The following NHEJ1 variants were observed in gnomAD, a reference collection of about 807,000 sequenced individuals.
The protein encoded by NHEJ1 is non-homologous end-joining factor 1.
NHEJ1 carries 22 observed loss-of-function variants against 39.4 expected under a neutral mutation model. The ratio of observed to expected loss-of-function variants is 0.56; its 90% CI spans 0.40 to 0.80. The LOEUF (loss-of-function observed/expected upper bound fraction) is 0.80. Ranked by LOEUF, NHEJ1 falls within the 30% of genes least tolerant of loss-of-function variation. NHEJ1 has a pLI of 0.00. For synonymous variants in NHEJ1, 154 were observed against 135.6 expected (o/e 1.14, Z -0.94); for missense variants, 329 against 357.1 (o/e 0.92, Z 0.63).
intron 3 of NHEJ1, among the ~76,000 whole-genome samples, chr2:219,150,933 G>C (rs147085030): frequency 0.12 from 17,457 of 151,452 alleles, 985 homozygotes; most frequent in East Asian, 0.15. Flanking sequence ...TCCAGCCTGG[G>C]TAACAGGGTG....
intron 1 of NHEJ1, among the ~76,000 whole-genome samples, chr2:219,159,816 C>T (rs1250163696): frequency 1.3e-5 from 2 of 151,842 alleles, no homozygotes; most frequent in Non-Finnish European, 2.9e-5. Flanking sequence ...CTTATAGGCA[C>T]TCCCCAGTGT....
chr2:219,126,594 G>A (rs1949525425), intron 5 of NHEJ1, among the ~76,000 whole-genome samples: 2 of 152,194 alleles, frequency 1.3e-5, no homozygotes, highest in African/African-American at 4.8e-5. Context: ...TTCACTGAGT[G>A]TTTACAATGG....
In NHEJ1 at chr2:219,071,305, C is replaced by T. The variant is rs1471858495; in HGVS notation, c.*5076G>A. 1.3e-5 allele frequency among the ~76,000 whole-genome samples: 2 copies of T among 152,170 alleles called. No individual in the cohort carries two copies. The highest frequency in any genetic ancestry group is 2.9e-5 in the Non-Finnish European group (2 of 68,006). ...ACCCATTTCTGACTGGCCGTCAATC[C>T]TATCAGGGGTCCATAAAGCTAGGAG... On this transcript the variant is annotated 3_prime_UTR_variant, in exon 8 of 8. Coordinates refer to ENST00000356853, the MANE Select transcript of NHEJ1 (RefSeq NM_024782.3).
chr2:219,078,891 C>T (rs1484521408), intron 5 of NHEJ1, among the ~76,000 whole-genome samples: 3 of 152,108 alleles, frequency 2.0e-5, no homozygotes, highest in African/African-American at 4.8e-5. Flanking sequence ...ACACACAGTA[C>T]ATAAATAGAT....
chr2:219,153,691 AAGG>A (rs1178250580), intron 3 of NHEJ1, among the ~76,000 whole-genome samples: 3 of 20,404 alleles, frequency 1.5e-4, no homozygotes, highest in East Asian at 5.1e-3. Context: ...AAAGAAAGAA[AAGG>A]GGGGGGGGGT....
chr2:219,115,082 GGTT>G (rs1183040804), intron 5 of NHEJ1, among the ~76,000 whole-genome samples: 1 of 152,126 alleles, frequency 6.6e-6, no homozygotes, highest in Non-Finnish European at 1.5e-5. Context: ...TCTTCTAGGA[GGTT>G]GGGGTTTGTG....
rs143112457 is a variant in NHEJ1, at chr2:219,077,265, G to A, written c.806C>T (p.Ala269Val). The change falls in exon 7 of 8, where the codon GCA becomes GTA. Residue 269 changes from alanine (A) to valine (V), a missense_variant. By Grantham distance (64) the Ala-to-Val change is moderately conservative. Coordinates refer to ENST00000356853, the MANE Select transcript of NHEJ1 (RefSeq NM_024782.3). ...QLVSSAPTLSAPEKESTGTSG... is the reference protein window; with the variant it reads ...QLVSSAPTLSVPEKESTGTSG... The stretch of plus-strand genomic sequence containing the variant: ...ACTCACCGTGGACTCTTTCTCAGGT[G>A]CTGAGAGGGTTGGGGCTGAGGAGAC... The A allele has an allele frequency of 7.3e-5, 117 of 1,613,042 alleles. No individual in the cohort carries two copies. Among genetic ancestry groups the A allele is most frequent in the Non-Finnish European group, 9.1e-5 (107 of 1,179,150 alleles).
chr2:219,160,196 C>T (rs1949918005), intron 1 of NHEJ1, among the ~76,000 whole-genome samples: 1 of 152,220 alleles, frequency 6.6e-6, no homozygotes, highest in Non-Finnish European at 1.5e-5. Context: ...TTATCTGCAC[C>T]GAGTCCGCTC....
intron 5 of NHEJ1, among the ~76,000 whole-genome samples, chr2:219,081,303 T>C (rs910073166): frequency 1.3e-5 from 2 of 152,094 alleles, no homozygotes; most frequent in African/African-American, 2.4e-5. Context: ...TGGTAGTGGC[T>C]ACCTGGGGCA....
intron 3 of NHEJ1, among the ~76,000 whole-genome samples, chr2:219,157,238 C>T (rs1332040712): frequency 6.6e-6 from 1 of 152,154 alleles, no homozygotes. Flanking sequence ...ATTGTAGATG[C>T]TTTTAAAATG....
At position 219,137,595 on chromosome 2, in the gene NHEJ1, A is replaced by AAAAAAAAAAAC. The variant is rs143557047; in HGVS notation, c.588+9084_588+9085insGTTTTTTTTTT. Reference sequence around the variant, plus strand: ...CAAAAAAAAAAAAAAAAAAAAAACAAAAAAAACTGAAAACCACCTTCAGAA... The same window carrying AAAAAAAAAAAC: ...CAAAAAAAAAAAAAAAAAAAAAACAAAAAAAAAAAACAAAAAACTGAAAACCACCTTCAGAA... On this transcript the variant is annotated intron_variant, in intron 5 of 7. Transcript: ENST00000356853. 9.9e-4 allele frequency among the ~76,000 whole-genome samples: 82 copies of AAAAAAAAAAAC among 82,748 alleles called. 5 individuals carry two copies. Among genetic ancestry groups the AAAAAAAAAAAC allele is most frequent in the Non-Finnish European group, 1.7e-3 (57 of 32,954 alleles). 54.3% of individuals were successfully genotyped at this position (82,748 alleles called of 152,430 possible). A position where few individuals can be genotyped will look rare whatever the true frequency, so the allele number is the denominator to read the frequency against.
At chr2:219,082,442 C>A (rs1949075699) in intron 5 of NHEJ1, among the ~76,000 whole-genome samples, 1 of 152,226 alleles carries the variant, frequency 6.6e-6, no homozygotes, top group African/African-American at 2.4e-5. Flanking sequence ...TCAGGATTTG[C>A]TGGAGAGCTT....
At chr2:219,106,041 G>A (rs956609235) in intron 5 of NHEJ1, among the ~76,000 whole-genome samples, 56 of 152,254 alleles carry the variant, frequency 3.7e-4, no homozygotes, top group African/African-American at 1.2e-3. Context: ...TATTCTTGGT[G>A]TTTAATAAGG....
chr2:219,097,833 T>C (rs1414027040), intron 5 of NHEJ1, among the ~76,000 whole-genome samples: 1 of 152,140 alleles, frequency 6.6e-6, no homozygotes, highest in East Asian at 1.9e-4. Flanking sequence ...ATAAAGATGA[T>C]GTTTAAAGCC....
intron 5 of NHEJ1, among the ~76,000 whole-genome samples, chr2:219,103,506 C>T (rs1207904179): frequency 6.6e-6 from 1 of 152,102 alleles, no homozygotes; most frequent in African/African-American, 2.4e-5. Flanking sequence ...CATCTCCTGA[C>T]CTCAAGTGAT....
intron 3 of NHEJ1, among the ~76,000 whole-genome samples, chr2:219,148,809 T>C (rs761858234): frequency 5.9e-5 from 9 of 152,036 alleles, no homozygotes; most frequent in Non-Finnish European, 1.0e-4. Flanking sequence ...TCTAAGGTTA[T>C]TGTTATAATA....
intron 5 of NHEJ1, among the ~76,000 whole-genome samples, chr2:219,110,844 A>G (rs1322333995): frequency 6.6e-6 from 1 of 152,166 alleles, no homozygotes; most frequent in Admixed American, 6.5e-5. Context: ...GATGGAGTCC[A>G]TATGCTACTG....
chr2:219,108,808 G>C (rs1949336831), intron 5 of NHEJ1, among the ~76,000 whole-genome samples: 1 of 151,432 alleles, frequency 6.6e-6, no homozygotes, highest in African/African-American at 2.4e-5. Context: ...AAGTTATCCT[G>C]GGTGGAAAAA....
chr2:219,096,922 G>A (rs1170950739), intron 5 of NHEJ1, among the ~76,000 whole-genome samples: 1 of 152,152 alleles, frequency 6.6e-6, no homozygotes, highest in Non-Finnish European at 1.5e-5. Flanking sequence ...GAGCAAGGAA[G>A]TGGCATGAAC....
Sources: gnomAD v4.1 joint callset for allele counts (sites outside exome capture counted in the v4.1 genomes callset) on GRCh38, gnomAD v4.1.1 for gene constraint, MANE v1.5 for transcripts, NCBI Gene and HGNC (gene_info 2026-07-23, HGNC 2026-07-21) for gene names.